The following PCDHAC1 variants were observed in gnomAD, a reference collection of about 807,000 sequenced individuals.
PCDHAC1 encodes the protein protocadherin alpha-C1.
A neutral mutation model predicts 60.0 loss-of-function variants in PCDHAC1; 42 were observed. The observed-to-expected ratio is 0.70, with a 90% CI of 0.55 to 0.90. PCDHAC1 has a LOEUF of 0.90. PCDHAC1 is among the 40% of genes least tolerant of loss of function. The pLI, the probability that PCDHAC1 is intolerant of heterozygous loss-of-function variation, is 0.00. For missense variants in PCDHAC1, 1,160 were observed against 1,222.3 expected, an observed-to-expected ratio of 0.95 and a Z score of 0.76; for synonymous variants, 468 against 499.3, an observed-to-expected ratio of 0.94 and a Z score of 0.84.
At chr5:140,980,837 A>T (rs1189348118) in intron 2 of PCDHAC1, among the ~76,000 whole-genome samples, 1 of 152,160 alleles carries the variant, frequency 6.6e-6, no homozygotes, top group Non-Finnish European at 1.5e-5. Context: ...TGTGAACCTA[A>T]ATAATACTAA....
chr5:141,000,737 G>A (rs1449947824), intron 3 of PCDHAC1, among the ~76,000 whole-genome samples: 21 of 149,738 alleles, frequency 1.4e-4, no homozygotes, highest in African/African-American at 5.0e-4. Context: ...CCCTATCTCT[G>A]TATATTAAAA....
chr5:140,982,943 A>G (rs2097017074), intron 3 of PCDHAC1, among the ~76,000 whole-genome samples: 1 of 151,992 alleles, frequency 6.6e-6, no homozygotes, highest in Admixed American at 6.5e-5. Flanking sequence ...CTTTTGGTTG[A>G]AGACTATGGA....
At position 141,010,400 on chromosome 5, in the gene PCDHAC1, T is replaced by C. The variant is rs145123720; in HGVS notation, c.*463T>C. 379 of 1,297,746 alleles carry C rather than the reference T, an allele frequency of 2.9e-4. No individual in the cohort carries two copies. Among genetic ancestry groups the C allele is most frequent in the Non-Finnish European group, 3.8e-4 (370 of 966,092 alleles). 80.4% of individuals were successfully genotyped at this position (1,297,746 alleles called of 1,614,324 possible). ...CAGATATTGGCTGAGACGAGCCAGC[T>C]TAGACTAATTGGTACAAGGAAGGCA... On this transcript the variant is annotated 3_prime_UTR_variant, in exon 4 of 4. Transcript: ENST00000253807.
intron 1 of PCDHAC1, among the ~76,000 whole-genome samples, chr5:140,953,053 T>G (rs1475683860): frequency 2.0e-5 from 3 of 152,142 alleles, no homozygotes; most frequent in African/African-American, 7.2e-5. Flanking sequence ...TCCAATCACC[T>G]CTCACAGGCC....
intron 1 of PCDHAC1, among the ~76,000 whole-genome samples, chr5:140,947,922 C>T (rs2094193763): frequency 6.6e-6 from 1 of 151,450 alleles, no homozygotes; most frequent in Admixed American, 6.6e-5. Context: ...TTGCCTTAAC[C>T]CTGATCTTAT....
rs1041924506 is a variant in PCDHAC1 at position 140,932,800 on chromosome 5, C to T, written c.2433+3475C>T. ...GAGTGGACATAAGAGAAAAGCAATA[C>T]CTTGGAAACATATAAGTGGGAAAGT... On this transcript the variant is annotated intron_variant, in intron 1 of 3. Coordinates refer to ENST00000253807, the MANE Select transcript of PCDHAC1 (RefSeq NM_018898.5). Among the ~76,000 whole-genome samples the T allele has an allele frequency of 2.6e-5, 4 of 151,684 alleles. No homozygotes were observed. The East Asian group carries it at 5.8e-4, about 22-fold the overall frequency.
intron 1 of PCDHAC1, chr5:140,966,610 C>A: frequency 1.4e-6 from 1 of 715,490 alleles, no homozygotes; most frequent in Non-Finnish European, 2.1e-6. Context: ...CTTGGGAGGG[C>A]CTACGGAGGG....
rs73793550 is a variant in PCDHAC1 at position 140,989,564 on chromosome 5, C to T, written c.2581+7001C>T. On this transcript the variant is annotated intron_variant, in intron 3 of 3. Transcript: ENST00000253807. ...GTAATTCCTTTACGTTTTGTGGCTC[C>T]GGCAAGCCCTGTCCTCAGCCTCACT... is the stretch of plus-strand genomic sequence containing the variant. Among the ~76,000 whole-genome samples the T allele has an allele frequency of 6.0e-3, 907 of 152,216 alleles. 13 individuals carry two copies. Among genetic ancestry groups the T allele is most frequent in the African/African-American group, 0.021 (852 of 41,530 alleles).
chr5:140,967,887 T>G, intron 1 of PCDHAC1: 1 of 1,614,078 alleles, frequency 6.2e-7, no homozygotes, highest in Non-Finnish European at 8.5e-7. Flanking sequence ...TATAGCCCAG[T>G]GCCTGAGAAT....
At chr5:141,008,745 G>A (rs759690147) in intron 3 of PCDHAC1, among the ~76,000 whole-genome samples, 5 of 152,200 alleles carry the variant, frequency 3.3e-5, no homozygotes, top group Non-Finnish European at 7.3e-5. Context: ...TGAGCACACT[G>A]AGGGAAGGAA....
chr5:140,947,539 C>G (rs144026826), intron 1 of PCDHAC1, among the ~76,000 whole-genome samples: 3 of 151,678 alleles, frequency 2.0e-5, no homozygotes, highest in Admixed American at 2.0e-4. Context: ...TCAATTTCTA[C>G]AAAGAATTCC....
rs1207145020 is a variant in PCDHAC1, at chr5:140,966,511, A to G, written c.2434-12438A>G. On this transcript the variant is annotated intron_variant, in intron 1 of 3. Coordinates refer to ENST00000253807, the MANE Select transcript of PCDHAC1 (RefSeq NM_018898.5). ...CCCCTGGAGCTGTAGCGGCAGCAGC[A>G]GCAGGAAGCCGAGCCGGGTTGAGCG... The G allele has an allele frequency of 7.1e-5, 31 of 433,774 alleles. No homozygotes were observed. In the East Asian group the frequency reaches 1.1e-3, roughly 15 times the overall value. 26.9% of individuals were successfully genotyped at this position (433,774 alleles called of 1,614,324 possible). A position where few individuals can be genotyped will look rare whatever the true frequency, so the allele number is the denominator to read the frequency against.
chr5:140,932,430 G>A (rs1563132683), intron 1 of PCDHAC1, among the ~76,000 whole-genome samples: 1 of 151,794 alleles, frequency 6.6e-6, no homozygotes, highest in East Asian at 1.9e-4. Context: ...TGTTCACCTG[G>A]AATTAAAGCA....
At chr5:140,978,694 G>A (rs1184051557) in intron 1 of PCDHAC1, among the ~76,000 whole-genome samples, 1 of 152,258 alleles carries the variant, frequency 6.6e-6, no homozygotes, top group African/African-American at 2.4e-5. Context: ...GCAAGGCAAA[G>A]CCAAAGGTGG....
rs2084847354 is a variant in PCDHAC1, at chr5:140,927,989, A to T, written c.1097A>T (p.Asp366Val). Residue 366 changes from aspartate (D) to valine (V), a missense_variant, in exon 1 of 4, where the codon GAT (aspartate) becomes GTT (valine). Asp to Val is a radical substitution (Grantham distance 152, BLOSUM62 -3). Transcript: ENST00000253807. ...GTVIALFSVKDEDLDSNGRVI... is the reference protein window; with the variant it reads ...GTVIALFSVKVEDLDSNGRVI... ...GTGATTGCTCTCTTTAGTGTAAAGG[A>T]TGAAGACCTCGATTCTAATGGTAGG... is the stretch of plus-strand genomic sequence containing the variant. 6.2e-7 allele frequency: 1 copy of T among 1,614,208 alleles called. No individual in the cohort carries two copies. Among genetic ancestry groups the T allele is most frequent in the African/African-American group, 1.3e-5 (1 of 75,046 alleles).
chr5:140,985,202 G>A (rs1554246846), intron 3 of PCDHAC1, among the ~76,000 whole-genome samples: 1 of 152,204 alleles, frequency 6.6e-6, no homozygotes, highest in Non-Finnish European at 1.5e-5. Flanking sequence ...CTCCCAAAGT[G>A]TTGGGATTAC....
At chr5:140,994,288 C>G (rs2097610720) in intron 3 of PCDHAC1, among the ~76,000 whole-genome samples, 4 of 152,150 alleles carry the variant, frequency 2.6e-5, no homozygotes, top group Admixed American at 6.5e-5. Flanking sequence ...TGAGACAGTC[C>G]CCAGATTGTT....
In PCDHAC1 at chr5:141,009,709, C is replaced by A; in HGVS notation, c.2664C>A (p.Asn888Lys). The A allele has an allele frequency of 6.2e-7, 1 of 1,614,118 alleles. No homozygotes were observed. Among genetic ancestry groups the A allele is most frequent in the Non-Finnish European group, 8.5e-7 (1 of 1,180,024 alleles). Reference sequence around the variant, plus strand: ...GGACCTTTAAATACGGACCAGGCAACCCCAAACAATCCGGTCCCGGTGAGT... The same window carrying A: ...GGACCTTTAAATACGGACCAGGCAAACCCAAACAATCCGGTCCCGGTGAGT... ...NSWTFKYGPG[N>K]PKQSGPGELP... is the part of the protein sequence containing the mutation. The change falls in exon 4 of 4, where the codon AAC (asparagine) becomes AAA (lysine). Residue 888 changes from asparagine (N) to lysine (K), a missense_variant. Physicochemically the swap from Asn to Lys is moderately conservative, Grantham distance 94. Transcript: ENST00000253807.
At chr5:140,968,474 G>A (rs1394773296) in intron 1 of PCDHAC1, 2 of 1,614,110 alleles carry the variant, frequency 1.2e-6, no homozygotes, top group Non-Finnish European at 1.7e-6. Flanking sequence ...CGTATATGTG[G>A]TGGACATGAA....
Sources: gnomAD v4.1 joint callset for allele counts (sites outside exome capture counted in the v4.1 genomes callset) on GRCh38, gnomAD v4.1.1 for gene constraint, MANE v1.5 for transcripts, NCBI Gene and HGNC (gene_info 2026-07-23, HGNC 2026-07-21) for gene names.